The following KLHDC4 variants were observed in gnomAD, a reference collection of about 807,000 sequenced individuals.
KLHDC4 encodes the protein kelch domain containing 4, also known as kelch domain-containing protein 4.
Under a neutral mutation model 62.4 loss-of-function variants are expected in KLHDC4, and 90 were observed. The observed-to-expected ratio is 1.44, with a 90% CI of 1.22 to 1.72. The LOEUF (loss-of-function observed/expected upper bound fraction) is 1.72. Ranked by LOEUF, KLHDC4 falls within the 40% of genes most tolerant of loss-of-function variation. KLHDC4 has a pLI of 0.00. For missense variants in KLHDC4, 1,025 were observed against 699.7 expected, an observed-to-expected ratio of 1.47 and a Z score of -5.25; for synonymous variants, 386 against 284.4, an observed-to-expected ratio of 1.36 and a Z score of -3.59.
intron 5 of KLHDC4, among the ~76,000 whole-genome samples, chr16:87,731,685 A>G (rs1444641731): frequency 6.6e-6 from 1 of 152,168 alleles, no homozygotes; most frequent in African/African-American, 2.4e-5. Flanking sequence ...CTTAGCGCAC[A>G]GCTTAGCAAT....
At chr16:87,757,774 C>T (rs2045216263) in intron 2 of KLHDC4, among the ~76,000 whole-genome samples, 1 of 152,002 alleles carries the variant, frequency 6.6e-6, no homozygotes, top group Admixed American at 6.6e-5. Context: ...CACCTGTAAT[C>T]CCAGCTACTC....
At chr16:87,714,046 A>C (rs1272675950) in intron 8 of KLHDC4, among the ~76,000 whole-genome samples, 1 of 152,034 alleles carries the variant, frequency 6.6e-6, no homozygotes. Flanking sequence ...TGGGAAGCCC[A>C]CACCCAGCCT....
At chr16:87,733,392 G>T (rs139473087) in intron 5 of KLHDC4, among the ~76,000 whole-genome samples, 1 of 152,348 alleles carries the variant, frequency 6.6e-6, no homozygotes, top group Non-Finnish European at 1.5e-5. Flanking sequence ...GGCCACAGAT[G>T]TGCAGGGCGC....
At chr16:87,752,340 T>C (rs1237581205) in intron 4 of KLHDC4, among the ~76,000 whole-genome samples, 1 of 54,642 alleles carries the variant, frequency 1.8e-5, no homozygotes, top group Non-Finnish European at 3.4e-5. Context: ...TGTTTTTTCT[T>C]TTTTTTTTTT....
At position 87,709,908 on chromosome 16, in the gene KLHDC4, G is replaced by A. The variant is rs566396539; in HGVS notation, c.1045-241C>T. 3.4e-4 allele frequency: 188 copies of A among 555,920 alleles called. 1 individual carries two copies. Among genetic ancestry groups the A allele is most frequent in the African/African-American group, 3.3e-3 (177 of 53,364 alleles). 34.4% of individuals were successfully genotyped at this position (555,920 alleles called of 1,614,324 possible). ...GCTGGGGCAGAAAACCCCCCACTGC[G>A]TGTCCTCACTGAGGGGCCGCTCCAC... On this transcript the variant is annotated intron_variant, in intron 9 of 11. Coordinates refer to ENST00000270583, the MANE Select transcript of KLHDC4 (RefSeq NM_017566.4).
At chr16:87,725,865 G>T (rs961316578) in intron 7 of KLHDC4, among the ~76,000 whole-genome samples, 2 of 152,156 alleles carry the variant, frequency 1.3e-5, no homozygotes, top group African/African-American at 2.4e-5. Context: ...GGTTACCAAA[G>T]AAACAAGCCC....
chr16:87,721,857 A>C (rs2038419339), intron 7 of KLHDC4, among the ~76,000 whole-genome samples: 2 of 152,188 alleles, frequency 1.3e-5, no homozygotes, highest in South Asian at 4.1e-4. Flanking sequence ...GGCAGGAAGG[A>C]GGGCCCCGTC....
chr16:87,731,842 G>C (rs1477762007), intron 5 of KLHDC4, among the ~76,000 whole-genome samples: 2 of 152,168 alleles, frequency 1.3e-5, no homozygotes, highest in Admixed American at 1.3e-4. Context: ...TCCCCACATG[G>C]GGGAGGACTT....
intron 5 of KLHDC4, among the ~76,000 whole-genome samples, chr16:87,746,359 A>G (rs1274080117): frequency 4.0e-5 from 6 of 151,816 alleles, no homozygotes; most frequent in South Asian, 2.1e-4. Flanking sequence ...CAAAGAGAGA[A>G]AGAGAGAGAG....
chr16:87,734,873 G>A (rs923061493), intron 5 of KLHDC4, among the ~76,000 whole-genome samples: 18 of 152,050 alleles, frequency 1.2e-4, no homozygotes, highest in Admixed American at 1.0e-3. Flanking sequence ...AGTCAATTGA[G>A]AAGAAAACCC....
intron 8 of KLHDC4, among the ~76,000 whole-genome samples, chr16:87,711,866 G>A (rs906191922): frequency 2.0e-5 from 3 of 149,910 alleles, no homozygotes; most frequent in Middle Eastern, 3.4e-3. Context: ...GGGCCTGCAC[G>A]GGGACCCTCC....
rs747504914 is a variant in KLHDC4, at chr16:87,714,520, C to T, written c.813G>A (p.Leu271=). The T allele has an allele frequency of 3.7e-6, 6 of 1,614,216 alleles. 1 individual carries two copies. In the South Asian group the frequency reaches 5.5e-5, roughly 15 times the overall value. The change falls in exon 8 of 12, where the codon CTG becomes CTA. Residue 271 remains leucine, a synonymous_variant. Transcript: ENST00000270583. ...TACCTTCTCTTCCGTCCTCTGGCTTCAGCAGGAACATGTCTGAGTGCCGTG... is the reference window on the plus strand; with the variant it reads ...TACCTTCTCTTCCGTCCTCTGGCTTTAGCAGGAACATGTCTGAGTGCCGTG... ...KGTRHSDMFL[L]KPEDGREDKW...
At chr16:87,719,057 A>G (rs911267779) in intron 7 of KLHDC4, among the ~76,000 whole-genome samples, 1 of 148,624 alleles carries the variant, frequency 6.7e-6, no homozygotes, top group African/African-American at 2.5e-5. Context: ...GGTGGGGGGC[A>G]GCCCCCGCCC....
rs76742342 is a variant in KLHDC4, at chr16:87,709,902, C to A, written c.1045-235G>T. ...TCCTGGGCTGGGGCAGAAAACCCCC[C>A]ACTGCGTGTCCTCACTGAGGGGCCG... is the stretch of plus-strand genomic sequence containing the variant. On this transcript the variant is annotated intron_variant, in intron 9 of 11. Coordinates refer to ENST00000270583, the MANE Select transcript of KLHDC4 (RefSeq NM_017566.4). 7.7e-5 allele frequency: 44 copies of A among 568,252 alleles called. 1 individual carries two copies. Among genetic ancestry groups the A allele is most frequent in the Middle Eastern group, 9.3e-4 (2 of 2,160 alleles). The allele number at this position is 568,252 out of a possible 1,614,324, so 35.2% of individuals were successfully genotyped here.
chr16:87,720,932 G>A (rs1014628), intron 7 of KLHDC4, among the ~76,000 whole-genome samples: 12 of 152,084 alleles, frequency 7.9e-5, no homozygotes, highest in East Asian at 7.8e-4. Flanking sequence ...TCCTGGAACC[G>A]GGTCAAGTCC....
chr16:87,710,933 A>T (rs2142927058), intron 9 of KLHDC4: 1 of 370,974 alleles, frequency 2.7e-6, no homozygotes, highest in African/African-American at 2.0e-5. Context: ...GGTCCACACC[A>T]GGACCTCCAG....
intron 1 of KLHDC4, 34 bp from the exon 2 acceptor site, chr16:87,762,074 T>C (rs1389579086): frequency 1.2e-6 from 2 of 1,606,588 alleles, no homozygotes; most frequent in Non-Finnish European, 1.7e-6. Context: ...GTGAGACTTA[T>C]TCCCAGGACC....
chr16:87,764,418 G>C (rs1213425801), intron 1 of KLHDC4, among the ~76,000 whole-genome samples: 1 of 151,926 alleles, frequency 6.6e-6, no homozygotes, highest in Non-Finnish European at 1.5e-5. Flanking sequence ...GGGAGGCCGA[G>C]GCGAGCGCAT....
intron 4 of KLHDC4, among the ~76,000 whole-genome samples, chr16:87,752,602 T>G (rs1415913035): frequency 6.6e-6 from 1 of 152,008 alleles, no homozygotes; most frequent in Non-Finnish European, 1.5e-5. Context: ...CCCAAAGTGC[T>G]GGGATTACAG....
Sources: allele counts gnomAD v4.1 joint callset (sites outside exome capture counted in the v4.1 genomes callset), GRCh38; gene constraint gnomAD v4.1.1; transcripts MANE v1.5; gene names NCBI Gene and HGNC (gene_info 2026-07-23, HGNC 2026-07-21).